Variants in PTPRM observed in about 807,000 individuals in gnomAD.
PTPRM encodes protein tyrosine phosphatase receptor type M.
In PTPRM, 47 loss-of-function variants were observed where a neutral mutation model predicts 186.7. That is an observed-to-expected ratio of 0.25 (90% CI 0.20 to 0.32). The LOEUF (loss-of-function observed/expected upper bound fraction) is 0.32. Among genes scored for constraint, PTPRM ranks in the 10% least tolerant of loss-of-function variants. The probability of loss-of-function intolerance (pLI) is 1.00; values close to 1 mark genes in which losing one functional copy is unlikely to be tolerated. For missense variants in PTPRM, 1,494 were observed against 1,865.0 expected, an observed-to-expected ratio of 0.80 and a Z score of 3.66; for synonymous variants, 668 against 674.9, an observed-to-expected ratio of 0.99 and a Z score of 0.16.
intron 14 of PTPRM, among the ~76,000 whole-genome samples, chr18:8,223,496 A>G (rs979613065): frequency 5.3e-5 from 8 of 152,180 alleles, no homozygotes; most frequent in African/African-American, 4.8e-5. Context: ...ATTTTCAAAG[A>G]AGTATGTCTT....
intron 7 of PTPRM, among the ~76,000 whole-genome samples, chr18:7,965,535 AT>A (rs2053981358): frequency 6.6e-6 from 1 of 152,234 alleles, no homozygotes; most frequent in South Asian, 2.1e-4. Context: ...GATGTAAGGA[AT>A]TAAAGCACAC....
At chr18:7,838,095 GT>G (rs2046143423) in intron 2 of PTPRM, among the ~76,000 whole-genome samples, 1 of 152,150 alleles carries the variant, frequency 6.6e-6, no homozygotes, top group Admixed American at 6.5e-5. Flanking sequence ...CCGAGACTGG[GT>G]AATTTATAAA....
At chr18:7,611,277 T>C (rs1197322131) in intron 1 of PTPRM, among the ~76,000 whole-genome samples, 1 of 152,088 alleles carries the variant, frequency 6.6e-6, no homozygotes, top group Admixed American at 6.5e-5. Context: ...CTTAAAAAAG[T>C]AAATTTAGTG....
At chr18:7,694,445 T>C (rs996436270) in intron 1 of PTPRM, among the ~76,000 whole-genome samples, 156 of 150,022 alleles carry the variant, frequency 1.0e-3, no homozygotes, top group East Asian at 3.9e-3. Flanking sequence ...TTTTTTTTTT[T>C]CGACAGAGTC....
At chr18:8,033,368 A>G (rs2086118144) in intron 7 of PTPRM, among the ~76,000 whole-genome samples, 1 of 152,174 alleles carries the variant, frequency 6.6e-6, no homozygotes, top group Admixed American at 6.5e-5. Context: ...TATAGACACT[A>G]TACAGTCATG....
chr18:7,742,219 ATTATT>A (rs1568068133), intron 1 of PTPRM, among the ~76,000 whole-genome samples: 1 of 152,214 alleles, frequency 6.6e-6, no homozygotes, highest in African/African-American at 2.4e-5. Flanking sequence ...TTAAAGTCAA[ATTATT>A]TTAAGTTACA....
intron 2 of PTPRM, among the ~76,000 whole-genome samples, chr18:7,859,606 C>A (rs1010022598): frequency 6.6e-6 from 1 of 152,186 alleles, no homozygotes; most frequent in Non-Finnish European, 1.5e-5. Flanking sequence ...CCCTGGCCTG[C>A]ATAGCAGATG....
At chr18:7,672,181 C>T (rs2039232083) in intron 1 of PTPRM, among the ~76,000 whole-genome samples, 1 of 152,072 alleles carries the variant, frequency 6.6e-6, no homozygotes, top group African/African-American at 2.4e-5. Flanking sequence ...CAGTCTAAAG[C>T]AAAATATGTG....
chr18:7,902,688 C>T (rs192243395), intron 3 of PTPRM, among the ~76,000 whole-genome samples: 409 of 152,186 alleles, frequency 2.7e-3, no homozygotes, highest in Non-Finnish European at 4.0e-3. Context: ...CCAAAGCATG[C>T]GGTAGATATT....
At chr18:8,287,591 G>T (rs563770510) in intron 19 of PTPRM, among the ~76,000 whole-genome samples, 81 of 152,308 alleles carry the variant, frequency 5.3e-4, no homozygotes, top group African/African-American at 1.7e-3. Flanking sequence ...ACATCCATCT[G>T]CTCTCTAGAT....
chr18:7,618,773 G>C (rs979028756), intron 1 of PTPRM, among the ~76,000 whole-genome samples: 2 of 152,158 alleles, frequency 1.3e-5, no homozygotes, highest in Non-Finnish European at 2.9e-5. Context: ...CATAACGCTT[G>C]TTAAGCTTTT....
chr18:8,370,842 C>A, intron 23 of PTPRM, 48 bp from the exon 24 acceptor site: 1 of 1,284,104 alleles, frequency 7.8e-7, no homozygotes, highest in Non-Finnish European at 1.1e-6. Flanking sequence ...GGAGGAACTC[C>A]AAAAAAACCA....
At chr18:8,029,182 C>G (rs2085774020) in intron 7 of PTPRM, among the ~76,000 whole-genome samples, 1 of 151,756 alleles carries the variant, frequency 6.6e-6, no homozygotes, top group African/African-American at 2.4e-5. Flanking sequence ...CATACCTGTC[C>G]TGCCTGGAGT....
intron 32 of PTPRM, among the ~76,000 whole-genome samples, chr18:8,396,568 G>A (rs1271896341): frequency 6.6e-6 from 1 of 152,144 alleles, no homozygotes; most frequent in African/African-American, 2.4e-5. Flanking sequence ...ATAAATGGAG[G>A]CTTAGATGGC....
At chr18:7,720,343 G>C (rs2040423340) in intron 1 of PTPRM, among the ~76,000 whole-genome samples, 1 of 152,076 alleles carries the variant, frequency 6.6e-6, no homozygotes, top group Non-Finnish European at 1.5e-5. Flanking sequence ...AATAGTGGGT[G>C]CTGGCATACG....
chr18:8,047,193 C>T (rs911743240), intron 7 of PTPRM, among the ~76,000 whole-genome samples: 9 of 151,992 alleles, frequency 5.9e-5, no homozygotes, highest in Non-Finnish European at 1.0e-4. Flanking sequence ...TTAAATGGAA[C>T]ACTAGATGGC....
rs1214796095 is a variant in PTPRM at position 8,253,258 on chromosome 18, C to T, written c.2598C>T (p.Ser866=). 1 of 1,547,672 alleles carries T rather than the reference C, an allele frequency of 6.5e-7. No individual in the cohort carries two copies. The highest frequency in any genetic ancestry group is 1.2e-5 in the South Asian group (1 of 81,742). Residue 866 remains serine, a synonymous_variant, in exon 19 of 33, where the codon AGC becomes AGT. Coordinates refer to ENST00000580170, the MANE Select transcript of PTPRM (RefSeq NM_001105244.2). ...CCCACACAATGGCCAGCGATACCAG[C>T]AGCCTGGTGCAGTCCCATACTTACA... is the stretch of plus-strand genomic sequence containing the variant. ...DETHTMASDT[S]SLVQSHTYKK...
intron 7 of PTPRM, among the ~76,000 whole-genome samples, chr18:8,054,714 A>G (rs1426124847): frequency 6.6e-6 from 1 of 152,020 alleles, no homozygotes; most frequent in East Asian, 1.9e-4. Flanking sequence ...TATTTTACAA[A>G]CATAAGTTTT....
chr18:8,311,809 G>A (rs1046743885), intron 20 of PTPRM, among the ~76,000 whole-genome samples: 7 of 152,142 alleles, frequency 4.6e-5, no homozygotes, highest in African/African-American at 1.4e-4. Context: ...CAGAGGCTCT[G>A]TTGATAGGAA....
Sources: gnomAD v4.1 joint callset for allele counts (sites outside exome capture counted in the v4.1 genomes callset) on GRCh38, gnomAD v4.1.1 for gene constraint, MANE v1.5 for transcripts, NCBI Gene and HGNC (gene_info 2026-07-23, HGNC 2026-07-21) for gene names.